RAP1GAP2: variants seen among roughly 807,000 people sequenced by gnomAD.
The protein encoded by RAP1GAP2 is RAP1 GTPase activating protein 2.
In RAP1GAP2, 27 loss-of-function variants were observed where a neutral mutation model predicts 95.0. The observed-to-expected ratio is 0.28, with a 90% confidence interval of 0.21 to 0.39. The LOEUF (loss-of-function observed/expected upper bound fraction) is 0.39, where lower values mean the gene tolerates loss of function less well. RAP1GAP2 is among the 10% of genes least tolerant of loss of function. The probability of loss-of-function intolerance (pLI) is 1.00; values close to 1 mark genes in which losing one functional copy is unlikely to be tolerated. For synonymous variants in RAP1GAP2, 373 were observed against 380.9 expected, an observed-to-expected ratio of 0.98 and a Z score of 0.24; for missense variants, 771 against 970.0, an observed-to-expected ratio of 0.79 and a Z score of 2.72.
chr17:2,925,614 G>T (rs2042930059), intron 3 of RAP1GAP2, among the ~76,000 whole-genome samples: 1 of 152,196 alleles, frequency 6.6e-6, no homozygotes, highest in East Asian at 1.9e-4. Context: ...AGCTGAAAAG[G>T]CCAGGAATTC....
At chr17:2,843,994 GC>G (rs2071475006) in intron 2 of RAP1GAP2, among the ~76,000 whole-genome samples, 1 of 151,978 alleles carries the variant, frequency 6.6e-6, no homozygotes, top group Non-Finnish European at 1.5e-5. Flanking sequence ...AAGGAAGATG[GC>G]CGGCGCGCTT....
At chr17:2,786,156 C>T (rs1003757418) in intron 1 of RAP1GAP2, among the ~76,000 whole-genome samples, 6 of 152,292 alleles carry the variant, frequency 3.9e-5, no homozygotes, top group African/African-American at 1.4e-4. Context: ...CCGCCTCGGC[C>T]TCCCACAGTG....
At chr17:2,872,552 G>T (rs962505828) in intron 2 of RAP1GAP2, among the ~76,000 whole-genome samples, 3 of 152,186 alleles carry the variant, frequency 2.0e-5, no homozygotes, top group African/African-American at 7.2e-5. Context: ...TTCCAGCAGG[G>T]ACAGCCCTTC....
At chr17:2,954,356 G>C (rs1042805620) in intron 3 of RAP1GAP2, among the ~76,000 whole-genome samples, 10 of 151,596 alleles carry the variant, frequency 6.6e-5, no homozygotes, top group African/African-American at 2.4e-4. Context: ...CGCCCGCCTC[G>C]GCCTCCCAAA....
rs188002259 is a variant in RAP1GAP2 at position 2,957,810 on chromosome 17, C to T, written c.201+16C>T. On this transcript the variant is annotated intron_variant, in intron 4 of 24. Coordinates refer to ENST00000254695, the MANE Select transcript of RAP1GAP2 (RefSeq NM_015085.5). ...GAAAATGCAGGTGAGTACGTACCCC[C>T]ACCGTGGCGGGGAAGAAGCCCAGCC... 447 of 1,576,554 alleles carry T rather than the reference C, an allele frequency of 2.8e-4. No homozygotes were observed. The highest frequency in any genetic ancestry group is 6.7e-4 in the Middle Eastern group (4 of 5,934).
At chr17:2,801,872 C>T (rs178557) in intron 2 of RAP1GAP2, among the ~76,000 whole-genome samples, 122,595 of 151,988 alleles carry the variant, frequency 0.81, 49,611 homozygotes, top group Admixed American at 0.86. Context: ...TTTTCCTCTG[C>T]GTTTCTGGCC....
intron 2 of RAP1GAP2, among the ~76,000 whole-genome samples, chr17:2,833,975 C>T (rs181755394): frequency 3.0e-4 from 46 of 152,254 alleles, no homozygotes; most frequent in African/African-American, 1.1e-3. Context: ...CTGTGTCCTG[C>T]GTGCTGTACC....
intron 2 of RAP1GAP2, among the ~76,000 whole-genome samples, chr17:2,886,392 C>T (rs2073506886): frequency 6.6e-6 from 1 of 151,928 alleles, no homozygotes. Flanking sequence ...AGGCTGGTCT[C>T]GAACTTCTGA....
At chr17:2,986,677 G>A (rs1437286890) in intron 11 of RAP1GAP2, among the ~76,000 whole-genome samples, 1 of 151,870 alleles carries the variant, frequency 6.6e-6, no homozygotes, top group African/African-American at 2.4e-5. Context: ...CCTAACTCTC[G>A]TGTTTGCTGT....
intron 8 of RAP1GAP2, among the ~76,000 whole-genome samples, chr17:2,978,047 C>T (rs2045202977): frequency 6.6e-6 from 1 of 152,156 alleles, no homozygotes; most frequent in Admixed American, 6.5e-5. Flanking sequence ...ATCCTCTTTT[C>T]ACCTTAACTA....
intron 3 of RAP1GAP2, among the ~76,000 whole-genome samples, chr17:2,929,505 C>A (rs1420059269): frequency 2.0e-5 from 3 of 152,184 alleles, no homozygotes; most frequent in Non-Finnish European, 2.9e-5. Flanking sequence ...CTGCCTGGGG[C>A]ATCTCCTGGG....
At position 3,027,011 on chromosome 17, in the gene RAP1GAP2, G is replaced by T. The variant is rs767004022; in HGVS notation, c.2048G>T (p.Ser683Ile). 11 of 1,567,802 alleles carry T rather than the reference G, an allele frequency of 7.0e-6. No homozygotes were observed. Among genetic ancestry groups the T allele is most frequent in the South Asian group, 1.2e-5 (1 of 84,940 alleles). ...EVFVYSPSPSSESPSLGAAAT... is the reference protein window; with the variant it reads ...EVFVYSPSPSIESPSLGAAAT... ...TTTGTCTACAGCCCGTCCCCGAGCA[G>T]CGAGAGCCCCAGCCTGGGGGCAGCT... The change falls in exon 22 of 25, where the codon AGC (serine) becomes ATC (isoleucine). Residue 683 changes from serine (S) to isoleucine (I), a missense_variant. Coordinates refer to ENST00000254695, the MANE Select transcript of RAP1GAP2 (RefSeq NM_015085.5). The surrounding 1 kb of genome is among the most constrained non-coding windows in gnomAD (Gnocchi z 5.2).
Position 2,825,104 on chromosome 17 carries a change from A to C in RAP1GAP2, c.80+24554A>C, listed in dbSNP as rs1597379768. On this transcript the variant is annotated intron_variant, in intron 2 of 24. Transcript: ENST00000254695. The surrounding 1 kb of genome is among the most constrained non-coding windows in gnomAD (Gnocchi z 4.1). ...TGCCACCACACCTGGCTAATTTTTA[A>C]AATGTTTCTTATAGAGATGGGGTCT... is the stretch of plus-strand genomic sequence containing the variant. Among the ~76,000 whole-genome samples, 1 of 152,172 alleles carries C rather than the reference A, an allele frequency of 6.6e-6. No homozygotes were observed. Among genetic ancestry groups the C allele is most frequent in the Non-Finnish European group, 1.5e-5 (1 of 68,024 alleles).
intron 1 of RAP1GAP2, among the ~76,000 whole-genome samples, chr17:2,766,837 C>A (rs2068285140): frequency 6.6e-6 from 1 of 152,094 alleles, no homozygotes; most frequent in African/African-American, 2.4e-5. Flanking sequence ...TTGATTGTAG[C>A]AGCCCCAACT....
At chr17:2,942,201 C>T (rs1367225632) in intron 3 of RAP1GAP2, among the ~76,000 whole-genome samples, 1 of 152,144 alleles carries the variant, frequency 6.6e-6, no homozygotes, top group African/African-American at 2.4e-5. Context: ...TCCAGGCCTC[C>T]CTCCCCGAGT....
chr17:2,837,766 C>A (rs1314772868), intron 2 of RAP1GAP2, among the ~76,000 whole-genome samples: 1 of 151,672 alleles, frequency 6.6e-6, no homozygotes, highest in Non-Finnish European at 1.5e-5. Context: ...GCCACCATGT[C>A]CGGCTATTTT....
intron 2 of RAP1GAP2, among the ~76,000 whole-genome samples, chr17:2,812,734 A>G (rs1193327002): frequency 6.6e-6 from 1 of 152,076 alleles, no homozygotes; most frequent in Non-Finnish European, 1.5e-5. Context: ...TCACACCTGT[A>G]ATCCCAGCAT....
At chr17:2,834,120 C>G (rs2071028522) in intron 2 of RAP1GAP2, among the ~76,000 whole-genome samples, 2 of 152,134 alleles carry the variant, frequency 1.3e-5, no homozygotes, top group African/African-American at 4.8e-5. Context: ...CAAAAGCCCT[C>G]CAGAGGGCTT....
chr17:2,993,584 A>T (rs369972965), intron 12 of RAP1GAP2, among the ~76,000 whole-genome samples: 17 of 143,818 alleles, frequency 1.2e-4, no homozygotes, highest in South Asian at 2.3e-4. Context: ...AAAAAAAAAA[A>T]TAAATAAATA....
Sources: allele counts gnomAD v4.1 joint callset (sites outside exome capture counted in the v4.1 genomes callset), GRCh38; gene constraint gnomAD v4.1.1; non-coding constraint Gnocchi (gnomAD v3.1); transcripts MANE v1.5; gene names NCBI Gene and HGNC (gene_info 2026-07-23, HGNC 2026-07-21).